The following BMPR1B variants were observed in gnomAD, a reference collection of about 807,000 sequenced individuals.
BMPR1B encodes the protein bone morphogenetic protein receptor type-1B.
BMPR1B carries 12 observed loss-of-function variants against 59.1 expected under a neutral mutation model. That is an observed-to-expected ratio of 0.20 (90% CI 0.13 to 0.33). The LOEUF (loss-of-function observed/expected upper bound fraction) is 0.33. Ranked by LOEUF, BMPR1B falls within the 10% of genes least tolerant of loss-of-function variation. The pLI, the probability that BMPR1B is intolerant of heterozygous loss-of-function variation, is 1.00. For synonymous variants in BMPR1B, 237 were observed against 207.3 expected (o/e 1.14, Z -1.23); for missense variants, 550 against 610.9 (o/e 0.90, Z 1.05).
In BMPR1B at chr4:95,152,739, G is replaced by A. The variant is rs1735135727; in HGVS notation, c.1349G>A (p.Arg450His). ...GAGATTGTGTGCATCAAGAAGTTAC[G>A]CCCCTCATTCCCAAACCGGTGGAGC... ...MREIVCIKKL[R>H]PSFPNRWSSD... is the part of the protein sequence containing the mutation. The change falls in exon 12 of 13, where the codon CGC (arginine) becomes CAC (histidine). Residue 450 changes from arginine (R) to histidine (H), a missense_variant. Arg to His is a conservative substitution (Grantham distance 29). This residue lies in a region of BMPR1B where 123 missense variants were observed against 164.6 expected (regional missense o/e 0.75). Coordinates refer to ENST00000515059, the MANE Select transcript of BMPR1B (RefSeq NM_001203.3). 1 of 1,610,404 alleles carries A rather than the reference G, an allele frequency of 6.2e-7. No homozygotes were observed. The highest frequency in any genetic ancestry group is 8.5e-7 in the Non-Finnish European group (1 of 1,178,382).
rs1385948827 is a variant in BMPR1B, at chr4:95,156,323, T to G, written c.*1650T>G. ...GAAAGTACTTTCTCCTTGCTGTTTTTTTTTTTTTTTAAGACATTCCTCCCA... is the reference window on the plus strand; with the variant it reads ...GAAAGTACTTTCTCCTTGCTGTTTTGTTTTTTTTTTAAGACATTCCTCCCA... On this transcript the variant is annotated 3_prime_UTR_variant, in exon 13 of 13. Coordinates refer to ENST00000515059, the MANE Select transcript of BMPR1B (RefSeq NM_001203.3). 6.6e-6 allele frequency: 1 copy of G among 151,984 alleles called. No individual in the cohort carries two copies. Among genetic ancestry groups the G allele is most frequent in the African/African-American group, 2.4e-5 (1 of 41,390 alleles). 9.4% of individuals were successfully genotyped at this position (151,984 alleles called of 1,614,324 possible). A position where few individuals can be genotyped will look rare whatever the true frequency, so the allele number is the denominator to read the frequency against.
intron 1 of BMPR1B, among the ~76,000 whole-genome samples, chr4:94,869,841 T>C (rs1421178061): frequency 6.6e-6 from 1 of 152,202 alleles, no homozygotes; most frequent in Non-Finnish European, 1.5e-5. Flanking sequence ...ATGCAAAGCT[T>C]AATGGTTGTA....
intron 1 of BMPR1B, among the ~76,000 whole-genome samples, chr4:94,873,337 G>A (rs772285290): frequency 6.6e-6 from 1 of 151,382 alleles, no homozygotes; most frequent in Non-Finnish European, 1.5e-5. Context: ...TTTGCAGATC[G>A]AATCTTGTAC....
chr4:94,836,256 G>A (rs1470710574), intron 1 of BMPR1B, among the ~76,000 whole-genome samples: 1 of 151,102 alleles, frequency 6.6e-6, no homozygotes, highest in African/African-American at 2.4e-5. Flanking sequence ...ATGATTTATA[G>A]TCCTTTGGGT....
chr4:94,820,201 G>A (rs1361929379), intron 1 of BMPR1B, among the ~76,000 whole-genome samples: 1 of 152,142 alleles, frequency 6.6e-6, no homozygotes, highest in African/African-American at 2.4e-5. Flanking sequence ...ATTTTCTAGG[G>A]TGCCAGACCT....
intron 4 of BMPR1B, 74 bp downstream of exon 4, chr4:95,104,641 G>T (rs1731074610): frequency 6.4e-7 from 1 of 1,565,050 alleles, no homozygotes; most frequent in Non-Finnish European, 8.8e-7. Flanking sequence ...CTGTAGGCTA[G>T]TGTTTCAAAG....
chr4:95,000,397 G>T (rs1822828), intron 3 of BMPR1B, among the ~76,000 whole-genome samples: 6,204 of 152,002 alleles, frequency 0.041, 426 homozygotes, highest in African/African-American at 0.14. Flanking sequence ...AATATGTGGA[G>T]TGGGGAGGCT....
intron 3 of BMPR1B, among the ~76,000 whole-genome samples, chr4:95,068,987 AC>A (rs1170584206): frequency 6.6e-6 from 1 of 152,200 alleles, no homozygotes; most frequent in Non-Finnish European, 1.5e-5. Flanking sequence ...ATATTGTCTC[AC>A]TTCACTATAG....
chr4:94,866,098 C>T (rs1387681977), intron 1 of BMPR1B, among the ~76,000 whole-genome samples: 1 of 152,168 alleles, frequency 6.6e-6, no homozygotes, highest in Non-Finnish European at 1.5e-5. Flanking sequence ...TAGTCCCTAG[C>T]TTTCTAGGTG....
intron 2 of BMPR1B, among the ~76,000 whole-genome samples, chr4:94,973,497 A>G (rs1032139524): frequency 6.6e-6 from 1 of 152,174 alleles, no homozygotes; most frequent in Non-Finnish European, 1.5e-5. Context: ...CCGAAGTTAC[A>G]CTGTCAAGCT....
intron 2 of BMPR1B, among the ~76,000 whole-genome samples, chr4:94,965,593 C>T (rs1010094618): frequency 6.6e-6 from 1 of 152,142 alleles, no homozygotes; most frequent in Non-Finnish European, 1.5e-5. Context: ...TTTATTTTCT[C>T]CCAGTTTAAC....
At chr4:95,030,488 C>G (rs1442499600) in intron 3 of BMPR1B, among the ~76,000 whole-genome samples, 1 of 152,008 alleles carries the variant, frequency 6.6e-6, no homozygotes, top group Non-Finnish European at 1.5e-5. Context: ...CTCACCACTC[C>G]TATTCAACAT....
intron 3 of BMPR1B, among the ~76,000 whole-genome samples, chr4:95,019,166 C>G (rs1438393124): frequency 1.3e-5 from 2 of 152,120 alleles, no homozygotes; most frequent in Non-Finnish European, 2.9e-5. Context: ...TGGAAATAAC[C>G]TATGCTTCTT....
chr4:94,902,702 A>G (rs762132818), intron 2 of BMPR1B, among the ~76,000 whole-genome samples: 45 of 151,994 alleles, frequency 3.0e-4, no homozygotes, highest in Admixed American at 2.8e-3. Flanking sequence ...TATGTTGGGA[A>G]TTTCATATCT....
chr4:94,879,226 A>G (rs775892175), intron 2 of BMPR1B, among the ~76,000 whole-genome samples: 6 of 152,204 alleles, frequency 3.9e-5, no homozygotes, highest in Non-Finnish European at 2.9e-5. Flanking sequence ...TGTAAATCCT[A>G]TGCTCTTTAG....
chr4:94,758,580 C>G (rs1050652096), intron 1 of BMPR1B, among the ~76,000 whole-genome samples: 5 of 152,074 alleles, frequency 3.3e-5, no homozygotes, highest in South Asian at 2.1e-4. Flanking sequence ...CCACCTGCCC[C>G]GGACGCCTCC....
chr4:95,130,092 T>C (rs755929397), intron 9 of BMPR1B, 38 bp downstream of exon 9: 1 of 1,599,972 alleles, frequency 6.3e-7, no homozygotes, highest in Admixed American at 1.7e-5. Flanking sequence ...CAGGGTTTCC[T>C]AGCTTTCCTC....
At chr4:94,950,775 C>T (rs1256671028) in intron 2 of BMPR1B, among the ~76,000 whole-genome samples, 1 of 152,032 alleles carries the variant, frequency 6.6e-6, no homozygotes, top group African/African-American at 2.4e-5. Flanking sequence ...GCTATATGGC[C>T]TTTTTTTGGT....
chr4:94,779,135 T>A (rs1022578593), intron 1 of BMPR1B, among the ~76,000 whole-genome samples: 1 of 152,194 alleles, frequency 6.6e-6, no homozygotes, highest in Non-Finnish European at 1.5e-5. Context: ...ATAGTCTTAA[T>A]CTATATGTAA....
Sources: gnomAD v4.1 joint callset for allele counts (sites outside exome capture counted in the v4.1 genomes callset) on GRCh38, gnomAD v4.1.1 for gene constraint, gnomAD v4.1.1 regional missense constraint, MANE v1.5 for transcripts, NCBI Gene and HGNC (gene_info 2026-07-23, HGNC 2026-07-21) for gene names.